SLC17A4: variants seen among roughly 807,000 people sequenced by gnomAD.
SLC17A4 encodes the protein solute carrier family 17 member 4.
Under a neutral mutation model 52.5 loss-of-function variants are expected in SLC17A4, and 33 were observed. The ratio of observed to expected loss-of-function variants is 0.63; its 90% CI spans 0.48 to 0.84. The LOEUF (loss-of-function observed/expected upper bound fraction) is 0.84, where lower values mean the gene tolerates loss of function less well. SLC17A4 is among the 40% of genes least tolerant of loss of function. The pLI is 0.00. For synonymous variants in SLC17A4, 225 were observed against 216.2 expected (o/e 1.04, Z -0.36); for missense variants, 585 against 597.1 (o/e 0.98, Z 0.21).
chr6:25,779,838 C>T lies in SLC17A4; in HGVS notation c.*650C>T, dbSNP rs912158316. 2.6e-5 allele frequency: 4 copies of T among 152,234 alleles called. No individual in the cohort carries two copies. Among genetic ancestry groups the T allele is most frequent in the Non-Finnish European group, 4.4e-5 (3 of 68,076 alleles). 9.4% of individuals were successfully genotyped at this position (152,234 alleles called of 1,614,324 possible). A position where few individuals can be genotyped will look rare whatever the true frequency, so the allele number is the denominator to read the frequency against. ...GGCCATCTTGACTTCTGCCCCACAT[C>T]TGCTTTTTGGCTTTGTGCAGATCTT... On this transcript the variant is annotated 3_prime_UTR_variant, in exon 12 of 12. Transcript: ENST00000377905.
chr6:25,769,121 T>C lies in SLC17A4; in HGVS notation c.228T>C (p.Ala76=), dbSNP rs1892251. 0.89 allele frequency: 1,430,652 copies of C among 1,613,212 alleles called. 636,376 individuals are homozygous for C. Among genetic ancestry groups the C allele is most frequent in the East Asian group, 0.99 (44,387 of 44,880 alleles). Residue 76 remains alanine (A), a synonymous_variant, in exon 3 of 12, where the codon GCT becomes GCC. Coordinates refer to ENST00000377905, the MANE Select transcript of SLC17A4 (RefSeq NM_005495.3). Reference sequence around the variant, plus strand: ...CAGCCCCACCTAGCCAGCCCAATGCTTCCACAGAACGGCCCTCCACTGACT... The same window carrying C: ...CAGCCCCACCTAGCCAGCCCAATGCCTCCACAGAACGGCCCTCCACTGACT... ...NNTAPPSQPN[A]STERPSTDSQ...
At chr6:25,768,339 T>G in intron 2 of SLC17A4, 1 of 983,044 alleles carries the variant, frequency 1.0e-6, no homozygotes, top group Non-Finnish European at 1.2e-6. Flanking sequence ...TCTACAGGGA[T>G]AGTGGATGAA....
intron 1 of SLC17A4, among the ~76,000 whole-genome samples, chr6:25,760,454 CA>C (rs1761436445): frequency 6.6e-6 from 1 of 152,036 alleles, no homozygotes; most frequent in Non-Finnish European, 1.5e-5. Flanking sequence ...GTGTAAATTT[CA>C]TTTCATTTCT....
At chr6:25,761,735 C>G (rs9467592) in intron 1 of SLC17A4, among the ~76,000 whole-genome samples, 192 bp from the exon 2 acceptor site, 11,973 of 152,110 alleles carry the variant, frequency 0.079, 875 homozygotes, top group African/African-American at 0.2. Context: ...TACTAAGACC[C>G]AGGGTAAACT....
At chr6:25,756,220 A>G (rs1761002701) in intron 1 of SLC17A4, among the ~76,000 whole-genome samples, 1 of 152,000 alleles carries the variant, frequency 6.6e-6, no homozygotes. Flanking sequence ...ATCTCCTACC[A>G]TTAACCTCCT....
intron 6 of SLC17A4, 37 bp from the exon 7 acceptor site, chr6:25,773,238 C>A: frequency 6.6e-7 from 1 of 1,505,440 alleles, no homozygotes; most frequent in Non-Finnish European, 9.2e-7. Context: ...AGAAGTACTT[C>A]AATCCATCCA....
In SLC17A4 at chr6:25,769,180, T is replaced by C; in HGVS notation, c.287T>C (p.Phe96Ser). Residue 96 changes from phenylalanine to serine, a missense_variant, in exon 3 of 12, where the codon TTT becomes TCT. By Grantham distance (155) the Phe-to-Ser change is radical. Transcript: ENST00000377905. ...TACTGGAATGAAACTCTAAAAGAAT[T>C]TAAAGCAATGGTAAGTTTAATGAGA... Reference protein sequence around the residue: ...QGYWNETLKEFKAMAPAYDWS... With the variant: ...QGYWNETLKESKAMAPAYDWS... The C allele has an allele frequency of 6.2e-7, 1 of 1,613,774 alleles. No individual in the cohort carries two copies. Among genetic ancestry groups the C allele is most frequent in the Non-Finnish European group, 8.5e-7 (1 of 1,179,768 alleles).
intron 11 of SLC17A4, 146 bp from the exon 12 acceptor site, chr6:25,778,908 T>G: frequency 3.3e-5 from 32 of 962,892 alleles, no homozygotes; most frequent in African/African-American, 3.3e-5. Flanking sequence ...GAAATGTACT[T>G]GAGTATTCTA....
At chr6:25,775,449 C>T (rs569582279) in intron 8 of SLC17A4, among the ~76,000 whole-genome samples, 2 of 151,686 alleles carry the variant, frequency 1.3e-5, no homozygotes, top group East Asian at 3.9e-4. Flanking sequence ...TTCTTTCTTT[C>T]TTTTGAGACA....
chr6:25,755,570 A>C (rs1021418822), intron 1 of SLC17A4, among the ~76,000 whole-genome samples: 12 of 152,352 alleles, frequency 7.9e-5, no homozygotes, highest in Admixed American at 5.9e-4. Context: ...CAGTCTTGGC[A>C]AGAAAAACTG....
Position 25,770,575 on chromosome 6 carries a change from T to C in SLC17A4, c.619+104T>C. 4.7e-6 allele frequency: 5 copies of C among 1,071,152 alleles called. No homozygotes were observed. In the East Asian group the frequency reaches 9.6e-5, roughly 20 times the overall value. The allele number at this position is 1,071,152 out of a possible 1,614,324, so 66.4% of individuals were successfully genotyped here. A position where few individuals can be genotyped will look rare whatever the true frequency, so the allele number is the denominator to read the frequency against. On this transcript the variant is annotated intron_variant, in intron 5 of 11. Transcript: ENST00000377905. ...TTATATATCAATCTCTGTGTCTTCA[T>C]AGTCCTTTCCTTAAAGCACTACCCC...
chr6:25,766,737 C>A (rs764627865), intron 2 of SLC17A4, among the ~76,000 whole-genome samples: 6 of 152,088 alleles, frequency 3.9e-5, no homozygotes, highest in Admixed American at 1.3e-4. Context: ...TAAGGGATGC[C>A]CCACAAAACA....
At chr6:25,765,898 A>G (rs1761969544) in intron 2 of SLC17A4, among the ~76,000 whole-genome samples, 1 of 152,078 alleles carries the variant, frequency 6.6e-6, no homozygotes, top group Admixed American at 6.5e-5. Context: ...GTTCTTTGAT[A>G]AAAATGATGC....
chr6:25,768,255 G>A, intron 2 of SLC17A4: 1 of 376,980 alleles, frequency 2.7e-6, no homozygotes, highest in Non-Finnish European at 3.7e-6. Flanking sequence ...CATTCCAAGA[G>A]CATTTGCTCC....
chr6:25,760,453 T>G (rs147294453), intron 1 of SLC17A4, among the ~76,000 whole-genome samples: 32 of 152,304 alleles, frequency 2.1e-4, no homozygotes, highest in African/African-American at 7.2e-4. Context: ...GGTGTAAATT[T>G]CATTTCATTT....
chr6:25,759,101 C>T (rs1761297361), intron 1 of SLC17A4, among the ~76,000 whole-genome samples: 1 of 152,126 alleles, frequency 6.6e-6, no homozygotes, highest in African/African-American at 2.4e-5. Flanking sequence ...TGTATTTGCA[C>T]AGCTTTGAGA....
Position 25,770,232 on chromosome 6 carries a change from A to G in SLC17A4, c.463A>G (p.Ile155Val). Residue 155 changes from isoleucine (I) to valine (V), a missense_variant, in exon 4 of 12, where the codon ATT becomes GTT. Transcript: ENST00000377905. The stretch of plus-strand genomic sequence containing the variant: ...TATTTCCTCATTCCTGACCCTCTTC[A>G]TTCCACTGGCAGCTAATGCGGGAGT... ...LFISSFLTLF[I>V]PLAANAGVAL... 6.2e-7 allele frequency: 1 copy of G among 1,614,064 alleles called. No individual in the cohort carries two copies. Among genetic ancestry groups the G allele is most frequent in the South Asian group, 1.1e-5 (1 of 91,070 alleles).
chr6:25,769,579 A>G (rs993047391), intron 3 of SLC17A4, among the ~76,000 whole-genome samples: 1 of 151,948 alleles, frequency 6.6e-6, no homozygotes, highest in Non-Finnish European at 1.5e-5. Flanking sequence ...AAAGAAAGAA[A>G]GAAAGAAAAG....
At chr6:25,758,083 C>T (rs958014788) in intron 1 of SLC17A4, among the ~76,000 whole-genome samples, 1 of 152,198 alleles carries the variant, frequency 6.6e-6, no homozygotes, top group Admixed American at 6.5e-5. Flanking sequence ...TAGACCTTTG[C>T]TGTGCTCTGC....
Sources: gnomAD v4.1 joint callset for allele counts (sites outside exome capture counted in the v4.1 genomes callset) on GRCh38, gnomAD v4.1.1 for gene constraint, MANE v1.5 for transcripts, NCBI Gene and HGNC (gene_info 2026-07-23, HGNC 2026-07-21) for gene names.